MRPS5: variants seen among roughly 807,000 people sequenced by gnomAD.
MRPS5 encodes small ribosomal subunit protein uS5m.
Under a neutral mutation model 51.9 loss-of-function variants are expected in MRPS5, and 27 were observed. The observed-to-expected ratio is 0.52, with a 90% CI of 0.38 to 0.72. MRPS5 has a LOEUF of 0.72. Ranked by LOEUF, MRPS5 falls within the 30% of genes least tolerant of loss-of-function variation. The probability of loss-of-function intolerance (pLI) is 0.00; values close to 1 mark genes in which losing one functional copy is unlikely to be tolerated. For synonymous variants in MRPS5, 196 were observed against 193.2 expected (o/e 1.01, Z -0.12); for missense variants, 570 against 545.7 (o/e 1.04, Z -0.44).
At chr2:95,121,613 G>T in intron 1 of MRPS5, 121 bp downstream of exon 1, 1 of 1,111,376 alleles carries the variant, frequency 9.0e-7, no homozygotes, top group Non-Finnish European at 1.2e-6. Context: ...GTGGGGGCAC[G>T]GCGTGAAGAG....
intron 2 of MRPS5, among the ~76,000 whole-genome samples, chr2:95,116,196 G>A (rs1164117461): frequency 6.6e-6 from 1 of 151,556 alleles, no homozygotes; most frequent in Admixed American, 6.6e-5. Context: ...GAGCCATCGC[G>A]CCTGGCCAGC....
intron 3 of MRPS5, among the ~76,000 whole-genome samples, chr2:95,111,828 T>C (rs1007837486): frequency 2.0e-5 from 3 of 152,214 alleles, no homozygotes; most frequent in Non-Finnish European, 4.4e-5. Flanking sequence ...TATTACATTG[T>C]GAGTCTTTTC....
At chr2:95,106,135 T>C (rs901116968) in intron 6 of MRPS5, among the ~76,000 whole-genome samples, 1 of 152,192 alleles carries the variant, frequency 6.6e-6, no homozygotes, top group Non-Finnish European at 1.5e-5. Flanking sequence ...CCAATGCTAC[T>C]TTAGGAAGGA....
chr2:95,096,339 G>A (rs1265154262), intron 10 of MRPS5, among the ~76,000 whole-genome samples: 2 of 152,102 alleles, frequency 1.3e-5, no homozygotes, highest in African/African-American at 4.8e-5. Flanking sequence ...ATTTTATGAG[G>A]CCAGCATCAT....
At chr2:95,112,306 C>T (rs1444491894) in intron 3 of MRPS5, among the ~76,000 whole-genome samples, 2 of 152,014 alleles carry the variant, frequency 1.3e-5, no homozygotes, top group African/African-American at 4.8e-5. Context: ...CCCAGGTGAC[C>T]CGCCCACCTC....
At chr2:95,090,658 A>G in intron 10 of MRPS5, 136 bp from the exon 11 acceptor site, 4 of 883,500 alleles carry the variant, frequency 4.5e-6, no homozygotes, top group Non-Finnish European at 5.2e-6. Context: ...CTTCCTAGTG[A>G]GCTGACCCTT....
chr2:95,108,139 CT>C, intron 5 of MRPS5, 35 bp downstream of exon 5: 1 of 1,571,774 alleles, frequency 6.4e-7, no homozygotes, highest in Non-Finnish European at 8.8e-7. Flanking sequence ...CAAGTACTCT[CT>C]GTCACAAAGG....
chr2:95,100,828 A>C lies in MRPS5; in HGVS notation c.868+9T>G, dbSNP rs574944984. 6.3e-7 allele frequency: 1 copy of C among 1,578,930 alleles called. No individual in the cohort carries two copies. The highest frequency in any genetic ancestry group is 1.8e-5 in the Admixed American group (1 of 54,636). ...CAAATTAAAAAAAAAAAAATAGATTATCACTCACTTGTATGGTCTTCATAT... is the reference window on the plus strand; with the variant it reads ...CAAATTAAAAAAAAAAAAATAGATTCTCACTCACTTGTATGGTCTTCATAT... On this transcript the variant is annotated intron_variant, in intron 9 of 11. Transcript: ENST00000272418.
At chr2:95,115,556 G>A (rs1166129320) in intron 2 of MRPS5, among the ~76,000 whole-genome samples, 3 of 152,192 alleles carry the variant, frequency 2.0e-5, no homozygotes, top group Non-Finnish European at 2.9e-5. Context: ...TATTGCTGTG[G>A]AAAGACCTGC....
At chr2:95,116,168 T>G (rs1317782904) in intron 2 of MRPS5, among the ~76,000 whole-genome samples, 1 of 152,020 alleles carries the variant, frequency 6.6e-6, no homozygotes, top group African/African-American at 2.4e-5. Context: ...CCTCCCAAAG[T>G]GCTGGGATTA....
Position 95,087,285 on chromosome 2 carries a change from C to G in MRPS5, c.*72G>C. 8.3e-7 allele frequency: 1 copy of G among 1,203,172 alleles called. No homozygotes were observed. Among genetic ancestry groups the G allele is most frequent in the Non-Finnish European group, 1.2e-6 (1 of 834,668 alleles). The allele number at this position is 1,203,172 out of a possible 1,614,324, so 74.5% of individuals were successfully genotyped here. A position where few individuals can be genotyped will look rare whatever the true frequency, so the allele number is the denominator to read the frequency against. On this transcript the variant is annotated 3_prime_UTR_variant, in exon 12 of 12. Coordinates refer to ENST00000272418, the MANE Select transcript of MRPS5 (RefSeq NM_031902.5). ...AACAAACAAAAGGCAAGGTAACATC[C>G]CAAGCTGTGAGGGGCTGAGTCTCTC... is the stretch of plus-strand genomic sequence containing the variant.
chr2:95,105,498 C>T (rs1675923770), intron 6 of MRPS5, among the ~76,000 whole-genome samples: 1 of 151,084 alleles, frequency 6.6e-6, no homozygotes, highest in Admixed American at 6.6e-5. Flanking sequence ...TGCAGTGAGC[C>T]GATACCACTG....
At chr2:95,104,831 A>G (rs535593454) in intron 6 of MRPS5, 101 bp from the exon 7 acceptor site, 33 of 962,812 alleles carry the variant, frequency 3.4e-5, no homozygotes, top group Non-Finnish European at 1.4e-5. Context: ...GTGAACAGGC[A>G]CACACAGAGA....
At chr2:95,106,017 AC>A (rs970860502) in intron 6 of MRPS5, among the ~76,000 whole-genome samples, 1 of 152,206 alleles carries the variant, frequency 6.6e-6, no homozygotes, top group Non-Finnish European at 1.5e-5. Context: ...CAAGAACCAG[AC>A]AGGCACCACA....
intron 3 of MRPS5, among the ~76,000 whole-genome samples, chr2:95,114,822 T>C (rs1676236265): frequency 6.6e-6 from 1 of 152,130 alleles, no homozygotes; most frequent in African/African-American, 2.4e-5. Flanking sequence ...TGGGCCATGA[T>C]TCAATACCCT....
At chr2:95,112,255 G>A (rs1206669746) in intron 3 of MRPS5, among the ~76,000 whole-genome samples, 1 of 151,972 alleles carries the variant, frequency 6.6e-6, no homozygotes, top group African/African-American at 2.4e-5. Flanking sequence ...AGTAGAGACG[G>A]GGTTTCACCA....
At chr2:95,102,992 C>T (rs1347351706) in intron 7 of MRPS5, among the ~76,000 whole-genome samples, 1 of 152,110 alleles carries the variant, frequency 6.6e-6, no homozygotes, top group African/African-American at 2.4e-5. Flanking sequence ...ATGCCAATTC[C>T]TAGTTTAAAC....
intron 11 of MRPS5, among the ~76,000 whole-genome samples, chr2:95,088,824 T>G (rs1675374446): frequency 1.3e-5 from 2 of 152,220 alleles, no homozygotes; most frequent in Admixed American, 1.3e-4. Flanking sequence ...ATCCCAGCAC[T>G]TTGGGAGGCC....
rs1675294843 is a variant in MRPS5 at position 95,086,543 on chromosome 2, T to C, written c.*814A>G. Among the ~76,000 whole-genome samples the C allele has an allele frequency of 6.6e-6, 1 of 152,090 alleles. No homozygotes were observed. Among genetic ancestry groups the C allele is most frequent in the African/African-American group, 2.4e-5 (1 of 41,410 alleles). On this transcript the variant is annotated 3_prime_UTR_variant, in exon 12 of 12. Coordinates refer to ENST00000272418, the MANE Select transcript of MRPS5 (RefSeq NM_031902.5). ...AAAAAATAAACAGCGCCTCAGGGACTCACGGGACAATAGTAAAAGATTCAA... is the reference window on the plus strand; with the variant it reads ...AAAAAATAAACAGCGCCTCAGGGACCCACGGGACAATAGTAAAAGATTCAA...
Sources: gnomAD v4.1 joint callset for allele counts (sites outside exome capture counted in the v4.1 genomes callset) on GRCh38, gnomAD v4.1.1 for gene constraint, MANE v1.5 for transcripts, NCBI Gene and HGNC (gene_info 2026-07-23, HGNC 2026-07-21) for gene names.